KDM1B: variants seen among roughly 807,000 people sequenced by gnomAD.
The protein encoded by KDM1B is lysine-specific histone demethylase 2.
KDM1B carries 63 observed loss-of-function variants against 107.4 expected under a neutral mutation model. The ratio of observed to expected loss-of-function variants is 0.59; its 90% CI spans 0.48 to 0.72. KDM1B has a LOEUF of 0.72. KDM1B is among the 30% of genes least tolerant of loss of function. The probability of loss-of-function intolerance (pLI) is 0.00; values close to 1 mark genes in which losing one functional copy is unlikely to be tolerated. For synonymous variants in KDM1B, 363 were observed against 363.9 expected, an observed-to-expected ratio of 1.00 and a Z score of 0.03; for missense variants, 749 against 1,020.8, an observed-to-expected ratio of 0.73 and a Z score of 3.63.
chr6:18,217,088 TC>T (rs1789293917), intron 20 of KDM1B, among the ~76,000 whole-genome samples: 1 of 151,864 alleles, frequency 6.6e-6, no homozygotes, highest in Non-Finnish European at 1.5e-5. Flanking sequence ...GAGACTCCTT[TC>T]TGCTACCACA....
Position 18,212,650 on chromosome 6 carries a change from G to T in KDM1B, c.1983+46G>T. The T allele has an allele frequency of 1.7e-6, 2 of 1,184,184 alleles. No homozygotes were observed. The highest frequency in any genetic ancestry group is 2.5e-6 in the Non-Finnish European group (2 of 787,900). 73.4% of individuals were successfully genotyped at this position (1,184,184 alleles called of 1,614,324 possible). ...CTCAGCAAGAAAGAGATTAATGTCA[G>T]ATGATAGATGTTAACTTCTGATATG... On this transcript the variant is annotated intron_variant, in intron 18 of 21. Transcript: ENST00000650836. The surrounding 1 kb of genome is among the most constrained non-coding windows in gnomAD (Gnocchi z 5.2).
At position 18,186,649 on chromosome 6, in the gene KDM1B, G is replaced by C. The variant is rs1259603480; in HGVS notation, c.573+839G>C. On this transcript the variant is annotated intron_variant, in intron 8 of 21. Transcript: ENST00000650836. The surrounding 1 kb of genome is among the most constrained non-coding windows in gnomAD (Gnocchi z 5.6). ...GAGACTAGGTAATTTATGAAGGAAA[G>C]AGGGTTAACTGACTCACAGTTCTGC... 6.6e-6 allele frequency among the ~76,000 whole-genome samples: 1 copy of C among 152,166 alleles called. No individual in the cohort carries two copies. The highest frequency in any genetic ancestry group is 1.5e-5 in the Non-Finnish European group (1 of 68,030).
In KDM1B at chr6:18,212,289, G is replaced by A. The variant is rs536948123; in HGVS notation, c.1867-199G>A. 159 of 605,872 alleles carry A rather than the reference G, an allele frequency of 2.6e-4. 2 individuals carry two copies. In the South Asian group the frequency reaches 2.8e-3, roughly 11 times the overall value. The allele number at this position is 605,872 out of a possible 1,614,324, so 37.5% of individuals were successfully genotyped here. A position where few individuals can be genotyped will look rare whatever the true frequency, so the allele number is the denominator to read the frequency against. On this transcript the variant is annotated intron_variant, in intron 17 of 21. Coordinates refer to ENST00000650836, the MANE Select transcript of KDM1B (RefSeq NM_001364614.2). This position sits in a 1 kb window ranked among gnomAD's most constrained non-coding sequence, Gnocchi z 5.2. ...TAAGATGATTATTCACCATCAGGAC[G>A]TTTTTTGCCCACTCTTCCCTGTGGT...
At chr6:18,196,009 G>C (rs1262330927) in intron 10 of KDM1B, among the ~76,000 whole-genome samples, 2 of 151,852 alleles carry the variant, frequency 1.3e-5, no homozygotes, top group African/African-American at 4.8e-5. Flanking sequence ...CCTCAGCCCC[G>C]GTAATGCCCA....
Position 18,213,485 on chromosome 6 carries a change from G to C in KDM1B, c.1984-171G>C, listed in dbSNP as rs1366432918. On this transcript the variant is annotated intron_variant, in intron 18 of 21. Transcript: ENST00000650836. This position sits in a 1 kb window ranked among gnomAD's most constrained non-coding sequence, Gnocchi z 5.9. Reference sequence around the variant, plus strand: ...CAAAACAAAACAAAAAACAACCAAGGAGTTCACAGGGGGAAAAAAGGAGGT... The same window carrying C: ...CAAAACAAAACAAAAAACAACCAAGCAGTTCACAGGGGGAAAAAAGGAGGT... Among the ~76,000 whole-genome samples, 1 of 151,822 alleles carries C rather than the reference G, an allele frequency of 6.6e-6. No individual in the cohort carries two copies. The highest frequency in any genetic ancestry group is 6.6e-5 in the Admixed American group (1 of 15,226).
intron 9 of KDM1B, among the ~76,000 whole-genome samples, chr6:18,190,419 C>T (rs1225515831): frequency 6.1e-5 from 9 of 148,632 alleles, no homozygotes; most frequent in African/African-American, 1.7e-4. Flanking sequence ...AGTAAAACCC[C>T]GTCTCTACTA....
At chr6:18,188,135 A>G in intron 9 of KDM1B, 133 bp downstream of exon 9, 1 of 815,438 alleles carries the variant, frequency 1.2e-6, no homozygotes, top group Non-Finnish European at 1.9e-6. Flanking sequence ...CTGTAATCCC[A>G]GCACTTTGGG....
chr6:18,169,693 G>A (rs1319351205), intron 6 of KDM1B, among the ~76,000 whole-genome samples: 2 of 152,002 alleles, frequency 1.3e-5, no homozygotes, highest in South Asian at 2.1e-4. Context: ...TGGTGTTACC[G>A]CTTATAATTC....
intron 7 of KDM1B, among the ~76,000 whole-genome samples, chr6:18,181,171 A>G (rs1786445948): frequency 6.6e-6 from 1 of 152,198 alleles, no homozygotes; most frequent in South Asian, 2.1e-4. Context: ...AGCAGAAAAA[A>G]ATTCATGCAG....
At chr6:18,176,899 C>T (rs956057306) in intron 7 of KDM1B, among the ~76,000 whole-genome samples, 2 of 152,058 alleles carry the variant, frequency 1.3e-5, no homozygotes, top group African/African-American at 4.8e-5. Context: ...ATTTTGTTAG[C>T]GTCTATGTTC....
intron 20 of KDM1B, among the ~76,000 whole-genome samples, chr6:18,216,408 T>C (rs1281537835): frequency 6.6e-6 from 1 of 152,302 alleles, no homozygotes; most frequent in East Asian, 1.9e-4. Context: ...TATGAGAGGA[T>C]CTATCTAATG....
At chr6:18,158,709 C>T (rs893248106) in intron 2 of KDM1B, among the ~76,000 whole-genome samples, 5 of 152,132 alleles carry the variant, frequency 3.3e-5, no homozygotes, top group African/African-American at 1.2e-4. Context: ...AGTACTTATG[C>T]TAAGCATTTT....
At chr6:18,198,594 C>T (rs923696754) in intron 12 of KDM1B, among the ~76,000 whole-genome samples, 3 of 144,470 alleles carry the variant, frequency 2.1e-5, no homozygotes, top group Admixed American at 7.2e-5. Flanking sequence ...GCCAAGATTG[C>T]GCCACTGCAC....
At position 18,214,986 on chromosome 6, in the gene KDM1B, C is replaced by A; in HGVS notation, c.2110-21C>A. On this transcript the variant is annotated intron_variant, in intron 19 of 21. Transcript: ENST00000650836. This position sits in a 1 kb window ranked among gnomAD's most constrained non-coding sequence, Gnocchi z 4.4. The stretch of plus-strand genomic sequence containing the variant: ...GAGCTGAGCACTCACAGACCTCCTG[C>A]TTTTCCTTTCATGTCTCCAGAAGAA... 2 of 1,612,720 alleles carry A rather than the reference C, an allele frequency of 1.2e-6. No homozygotes were observed.
chr6:18,184,311 G>C (rs919378684), intron 7 of KDM1B, among the ~76,000 whole-genome samples: 7 of 102,164 alleles, frequency 6.9e-5, no homozygotes, highest in African/African-American at 2.6e-4. Flanking sequence ...GTGTCGCTTT[G>C]TCGCCCAGGC....
chr6:18,206,722 G>GACTT (rs2150996983), intron 15 of KDM1B, among the ~76,000 whole-genome samples: 1 of 152,236 alleles, frequency 6.6e-6, no homozygotes, highest in East Asian at 1.9e-4. Context: ...ACTGCACCAG[G>GACTT]ACTTGTCTCT....
At chr6:18,164,605 C>G (rs1362196776) in intron 5 of KDM1B, among the ~76,000 whole-genome samples, 6 of 151,968 alleles carry the variant, frequency 3.9e-5, no homozygotes, top group Non-Finnish European at 7.4e-5. Context: ...CATGATACAC[C>G]TTTCTTTGTT....
intron 7 of KDM1B, among the ~76,000 whole-genome samples, chr6:18,184,044 A>G (rs1318044326): frequency 3.3e-5 from 5 of 152,138 alleles, no homozygotes; most frequent in South Asian, 2.1e-4. Flanking sequence ...GCATAACTCA[A>G]TGAATTTTCG....
chr6:18,178,133 A>G (rs892279384), intron 7 of KDM1B, among the ~76,000 whole-genome samples: 9 of 152,128 alleles, frequency 5.9e-5, no homozygotes, highest in African/African-American at 2.2e-4. Context: ...TCCAGGCTGG[A>G]GTGCAGTGGC....
Sources: gnomAD v4.1 joint callset for allele counts (sites outside exome capture counted in the v4.1 genomes callset) on GRCh38, gnomAD v4.1.1 for gene constraint, Gnocchi (gnomAD v3.1) non-coding constraint, MANE v1.5 for transcripts, NCBI Gene and HGNC (gene_info 2026-07-23, HGNC 2026-07-21) for gene names.